Variants in UGT1A5 observed in about 807,000 individuals in gnomAD.
The protein encoded by UGT1A5 is UDP-glucuronosyltransferase 1A5.
UGT1A5 carries 29 observed loss-of-function variants against 40.3 expected under a neutral mutation model. The ratio of observed to expected loss-of-function variants is 0.72; its 90% CI spans 0.54 to 0.98. The LOEUF (loss-of-function observed/expected upper bound fraction) is 0.98, where lower values mean the gene tolerates loss of function less well. Ranked by LOEUF, UGT1A5 falls within the 50% of genes least tolerant of loss-of-function variation. The pLI, the probability that UGT1A5 is intolerant of heterozygous loss-of-function variation, is 0.00. For missense variants in UGT1A5, 678 were observed against 677.9 expected (o/e 1.00, Z 0.00); for synonymous variants, 257 against 262.5 (o/e 0.98, Z 0.20).
intron 1 of UGT1A5, among the ~76,000 whole-genome samples, chr2:233,763,988 T>A (rs1006624097): frequency 2.0e-5 from 3 of 152,194 alleles, no homozygotes; most frequent in African/African-American, 7.2e-5. Flanking sequence ...TGGGAATGCG[T>A]GATGGTGAAG....
intron 1 of UGT1A5, chr2:233,729,429 T>G (rs765476493): frequency 6.2e-7 from 1 of 1,613,872 alleles, no homozygotes; most frequent in Admixed American, 1.7e-5. Context: ...AACTGTACTT[T>G]GAAACAGAAC....
intron 1 of UGT1A5, chr2:233,718,964 G>C: frequency 6.2e-7 from 1 of 1,614,222 alleles, no homozygotes; most frequent in Non-Finnish European, 8.5e-7. Flanking sequence ...GGGAGGCCTT[G>C]CGGGAGCTCC....
intron 1 of UGT1A5, among the ~76,000 whole-genome samples, chr2:233,727,078 A>G (rs1212092454): frequency 6.6e-6 from 1 of 152,188 alleles, no homozygotes; most frequent in Non-Finnish European, 1.5e-5. Flanking sequence ...TTCTCTTACA[A>G]ACATTAAAGA....
At chr2:233,758,796 A>T (rs1025400084) in intron 1 of UGT1A5, among the ~76,000 whole-genome samples, 2 of 152,214 alleles carry the variant, frequency 1.3e-5, no homozygotes, top group African/African-American at 4.8e-5. Flanking sequence ...GTTATCTTGG[A>T]ATTGTATAGT....
chr2:233,747,352 C>T (rs1016140254), intron 1 of UGT1A5: 87 of 1,602,584 alleles, frequency 5.4e-5, no homozygotes, highest in Admixed American at 8.4e-5. Flanking sequence ...ATGCGGGAGG[C>T]CGTGCGGGAG....
At chr2:233,737,930 G>C (rs867585936) in intron 1 of UGT1A5, among the ~76,000 whole-genome samples, 3 of 152,128 alleles carry the variant, frequency 2.0e-5, no homozygotes, top group African/African-American at 7.2e-5. Flanking sequence ...ATTTAGTAGT[G>C]AGTCCATTGA....
In UGT1A5 at chr2:233,713,154, G is replaced by A; in HGVS notation, c.163G>A (p.Gly55Ser). The A allele has an allele frequency of 6.2e-7, 1 of 1,614,234 alleles. No homozygotes were observed. The highest frequency in any genetic ancestry group is 8.5e-7 in the Non-Finnish European group (1 of 1,180,034). The stretch of plus-strand genomic sequence containing the variant: ...GGCCTTGCGGGACCTCCATGCGAGA[G>A]GCCACCAGGTGGTGGTCCTCACCCT... ...REALRDLHAR[G>S]HQVVVLTLEV... Residue 55 changes from glycine (G) to serine (S), a missense_variant, in exon 1 of 5, where the codon GGC becomes AGC. Coordinates refer to ENST00000373414, the MANE Select transcript of UGT1A5 (RefSeq NM_019078.2).
chr2:233,757,115 C>G lies in UGT1A5; in HGVS notation c.868-9919C>G, dbSNP rs11568319. ...CAGAGGGAGGGGGCAAGCAGAAGGG[C>G]TAGAGAGGAGGAATGAGCTTGGACA... On this transcript the variant is annotated intron_variant, in intron 1 of 4. Transcript: ENST00000373414. 7.2e-4 allele frequency among the ~76,000 whole-genome samples: 109 copies of G among 150,950 alleles called. 1 individual carries two copies. In the East Asian group the frequency reaches 0.02, roughly 28 times the overall value.
Position 233,769,600 on chromosome 2 carries a change from G to C in UGT1A5, c.1307+1161G>C. ...GTTCAGATGAGAGGAGACGGAACAC[G>C]GGGACACACCAGCTTGAGCAAGGGA... is the stretch of plus-strand genomic sequence containing the variant. On this transcript the variant is annotated intron_variant, in intron 4 of 4. Coordinates refer to ENST00000373414, the MANE Select transcript of UGT1A5 (RefSeq NM_019078.2). The surrounding 1 kb of genome is among the most constrained non-coding windows in gnomAD (Gnocchi z 4.4). 6.2e-7 allele frequency: 1 copy of C among 1,612,786 alleles called. No individual in the cohort carries two copies. Among genetic ancestry groups the C allele is most frequent in the Non-Finnish European group, 8.5e-7 (1 of 1,179,854 alleles).
intron 1 of UGT1A5, chr2:233,747,707 A>C (rs1693758037): frequency 1.2e-6 from 2 of 1,612,800 alleles, no homozygotes; most frequent in East Asian, 4.5e-5. Context: ...CTAAGTACCT[A>C]TCAATTCCTG....
intron 1 of UGT1A5, chr2:233,755,031 C>T: frequency 7.6e-7 from 1 of 1,312,808 alleles, no homozygotes; most frequent in South Asian, 1.2e-5. Context: ...GAAGGGCCTG[C>T]CGCCTGCGCA....
chr2:233,768,502 A>G (rs1225934667), intron 4 of UGT1A5, 63 bp downstream of exon 4: 30 of 1,567,296 alleles, frequency 1.9e-5, no homozygotes, highest in Non-Finnish European at 2.6e-5. Flanking sequence ...TGTTTCAAAT[A>G]TGAAAACATT....
At chr2:233,739,019 A>G (rs1003035720) in intron 1 of UGT1A5, 4 of 152,282 alleles carry the variant, frequency 2.6e-5, no homozygotes, top group African/African-American at 7.2e-5. Flanking sequence ...GGCTCCAGCC[A>G]TGGCTAAAAG....
At chr2:233,761,962 G>A (rs1257423083) in intron 1 of UGT1A5, among the ~76,000 whole-genome samples, 1 of 152,228 alleles carries the variant, frequency 6.6e-6, no homozygotes, top group Non-Finnish European at 1.5e-5. Flanking sequence ...CCATTAAGGG[G>A]ACTGATATCA....
rs1699915243 is a variant in UGT1A5, at chr2:233,769,658, C to T, written c.1307+1219C>T. On this transcript the variant is annotated intron_variant, in intron 4 of 4. Coordinates refer to ENST00000373414, the MANE Select transcript of UGT1A5 (RefSeq NM_019078.2). The surrounding 1 kb of genome is among the most constrained non-coding windows in gnomAD (Gnocchi z 4.4). ...GGAGGACTGATGACTGACTTCCCAC[C>T]TTTGAGGTGCTAATGTGTGTGTGGT... 2 of 1,600,404 alleles carry T rather than the reference C, an allele frequency of 1.2e-6. No individual in the cohort carries two copies. The highest frequency in any genetic ancestry group is 2.7e-5 in the African/African-American group (2 of 74,670).
chr2:233,767,285 T>G, intron 2 of UGT1A5, 120 bp downstream of exon 2: 4 of 1,569,258 alleles, frequency 2.5e-6, no homozygotes, highest in Non-Finnish European at 3.4e-6. Flanking sequence ...CCCTGCCACT[T>G]CCCAACTATT....
chr2:233,757,675 A>T (rs1397708687), intron 1 of UGT1A5, among the ~76,000 whole-genome samples: 1 of 151,408 alleles, frequency 6.6e-6, no homozygotes, highest in Non-Finnish European at 1.5e-5. Flanking sequence ...AATTCAAGGA[A>T]TTCAAGGGAT....
chr2:233,768,921 A>G (rs1482131176), intron 4 of UGT1A5, among the ~76,000 whole-genome samples: 4 of 152,000 alleles, frequency 2.6e-5, no homozygotes, highest in Non-Finnish European at 2.9e-5. Context: ...GTTATTATTC[A>G]CTTTATAAAA....
chr2:233,738,058 G>A (rs1690676256), intron 1 of UGT1A5, among the ~76,000 whole-genome samples: 1 of 152,076 alleles, frequency 6.6e-6, no homozygotes, highest in Non-Finnish European at 1.5e-5. Flanking sequence ...AGGACATGGT[G>A]GGAGGTCCCC....
Sources: gnomAD v4.1 joint callset for allele counts (sites outside exome capture counted in the v4.1 genomes callset) on GRCh38, gnomAD v4.1.1 for gene constraint, Gnocchi (gnomAD v3.1) non-coding constraint, MANE v1.5 for transcripts, NCBI Gene and HGNC (gene_info 2026-07-23, HGNC 2026-07-21) for gene names.